The following STXBP5L variants were observed in gnomAD, a reference collection of about 807,000 sequenced individuals.
STXBP5L encodes the protein syntaxin binding protein 5L.
Under a neutral mutation model 144.5 loss-of-function variants are expected in STXBP5L, and 65 were observed. The ratio of observed to expected loss-of-function variants is 0.45; its 90% CI spans 0.37 to 0.55. The LOEUF (loss-of-function observed/expected upper bound fraction) is 0.55. Among genes scored for constraint, STXBP5L ranks in the 20% least tolerant of loss-of-function variants. STXBP5L has a pLI of 0.00. For missense variants in STXBP5L, 1,298 were observed against 1,405.5 expected, an observed-to-expected ratio of 0.92 and a Z score of 1.22; for synonymous variants, 505 against 469.6, an observed-to-expected ratio of 1.08 and a Z score of -0.97.
intron 3 of STXBP5L, among the ~76,000 whole-genome samples, chr3:121,005,251 T>G (rs1051281620): frequency 2.6e-5 from 4 of 152,086 alleles, no homozygotes; most frequent in South Asian, 2.1e-4. Context: ...TCTATTCAGA[T>G]ATTCAACTTC....
intron 9 of STXBP5L, among the ~76,000 whole-genome samples, chr3:121,202,914 T>A (rs763040676): frequency 6.6e-6 from 1 of 152,072 alleles, no homozygotes; most frequent in African/African-American, 2.4e-5. Context: ...GCATAGATAA[T>A]GTTTTTTTCA....
chr3:120,929,050 G>C (rs2107611864), intron 2 of STXBP5L, among the ~76,000 whole-genome samples: 1 of 152,242 alleles, frequency 6.6e-6, no homozygotes, highest in East Asian at 1.9e-4. Context: ...TAAGTTGTTG[G>C]CATGGGAAGC....
At chr3:121,285,526 G>A (rs1050429500) in intron 19 of STXBP5L, among the ~76,000 whole-genome samples, 5 of 151,958 alleles carry the variant, frequency 3.3e-5, no homozygotes. Flanking sequence ...CATAGGTTAG[G>A]CTCCAAACAG....
chr3:121,057,874 T>A (rs1372491358), intron 5 of STXBP5L, among the ~76,000 whole-genome samples: 1 of 152,100 alleles, frequency 6.6e-6, no homozygotes. Context: ...TCTCACTCTA[T>A]CTTCCAAATA....
intron 5 of STXBP5L, among the ~76,000 whole-genome samples, chr3:121,081,835 G>A (rs1203186371): frequency 1.3e-5 from 2 of 152,142 alleles, no homozygotes; most frequent in Admixed American, 6.5e-5. Flanking sequence ...GCAAAGAGTG[G>A]GAGCTACCTC....
chr3:121,378,962 A>T, intron 21 of STXBP5L, 76 bp downstream of exon 21: 2 of 1,423,282 alleles, frequency 1.4e-6, no homozygotes, highest in Non-Finnish European at 1.9e-6. Context: ...GAGATATGGG[A>T]TGGAGATCAC....
rs776597486 is a variant in STXBP5L at position 121,259,050 on chromosome 3, A to T, written c.1840A>T (p.Thr614Ser). 2 of 1,597,158 alleles carry T rather than the reference A, an allele frequency of 1.3e-6. No homozygotes were observed. Among genetic ancestry groups the T allele is most frequent in the South Asian group, 2.3e-5 (2 of 87,904 alleles). ...KDSIPCLNVKTRPVRMPPGYQ... is the reference protein window; with the variant it reads ...KDSIPCLNVKSRPVRMPPGYQ... ...TTGTTTTTGTTCTTAAAGTGTGAAG[A>T]CACGGCCAGTGCGAATGCCTCCAGG... The change falls in exon 18 of 27, where the codon ACA becomes TCA. Residue 614 changes from threonine to serine, a missense_variant. Coordinates refer to ENST00000471454, the MANE Select transcript of STXBP5L (RefSeq NM_001308330.2).
intron 12 of STXBP5L, among the ~76,000 whole-genome samples, chr3:121,233,893 C>T (rs2049386096): frequency 6.6e-6 from 1 of 152,060 alleles, no homozygotes; most frequent in African/African-American, 2.4e-5. Context: ...AAGGCAGCAC[C>T]TGATGTTTGG....
chr3:121,208,990 T>G (rs114719000), intron 10 of STXBP5L, among the ~76,000 whole-genome samples: 7 of 152,206 alleles, frequency 4.6e-5, no homozygotes, highest in African/African-American at 1.7e-4. Flanking sequence ...CATTGTTCGA[T>G]TCCCAATTAT....
intron 3 of STXBP5L, among the ~76,000 whole-genome samples, chr3:121,029,857 A>T (rs189599006): frequency 6.6e-6 from 1 of 152,242 alleles, no homozygotes; most frequent in Non-Finnish European, 1.5e-5. Context: ...CCCATGAAAA[A>T]GTGGGCAAAG....
chr3:121,383,899 A>C lies in STXBP5L; in HGVS notation c.2587+2367A>C, dbSNP rs565450922. ...TATGGTTGCTGCCATAGCTTATGGGAACCATTAAAGAAGGTTTGGATTTAG... is the reference window on the plus strand; with the variant it reads ...TATGGTTGCTGCCATAGCTTATGGGCACCATTAAAGAAGGTTTGGATTTAG... On this transcript the variant is annotated intron_variant, in intron 22 of 26. Transcript: ENST00000471454. 3.3e-5 allele frequency among the ~76,000 whole-genome samples: 5 copies of C among 152,258 alleles called. 1 individual carries two copies. In the South Asian group the frequency reaches 1.0e-3, roughly 32 times the overall value.
intron 19 of STXBP5L, among the ~76,000 whole-genome samples, chr3:121,298,947 A>C (rs1247756263): frequency 6.6e-6 from 1 of 152,200 alleles, no homozygotes; most frequent in Non-Finnish European, 1.5e-5. Flanking sequence ...TGTTGATTAT[A>C]TATGTAGAGT....
intron 11 of STXBP5L, among the ~76,000 whole-genome samples, chr3:121,228,637 G>A (rs1464116896): frequency 2.0e-5 from 3 of 152,168 alleles, no homozygotes; most frequent in Admixed American, 1.3e-4. Context: ...AACACTTTGG[G>A]AGGCTGAGGC....
chr3:121,210,684 G>T (rs530983994), intron 10 of STXBP5L, among the ~76,000 whole-genome samples: 199 of 152,286 alleles, frequency 1.3e-3, no homozygotes, highest in Non-Finnish European at 2.4e-3. Flanking sequence ...TTATTAAATA[G>T]GGAATCCTTT....
chr3:121,083,061 G>T (rs1334692669), intron 5 of STXBP5L, among the ~76,000 whole-genome samples: 1 of 151,902 alleles, frequency 6.6e-6, no homozygotes, highest in Non-Finnish European at 1.5e-5. Flanking sequence ...TTAGCTGGGT[G>T]TGGTGGCGTG....
chr3:121,283,334 G>C (rs1489865683), intron 19 of STXBP5L, among the ~76,000 whole-genome samples: 1 of 151,918 alleles, frequency 6.6e-6, no homozygotes, highest in African/African-American at 2.4e-5. Context: ...TCCTTAAAAT[G>C]TTCCTGGGAA....
chr3:120,973,269 G>T (rs1940494093), intron 3 of STXBP5L, among the ~76,000 whole-genome samples: 2 of 151,838 alleles, frequency 1.3e-5, no homozygotes, highest in South Asian at 4.2e-4. Context: ...GTATTTTCTT[G>T]ATTTCTATTT....
chr3:121,263,752 A>G (rs1214128488), intron 18 of STXBP5L, among the ~76,000 whole-genome samples: 1 of 152,164 alleles, frequency 6.6e-6, no homozygotes, highest in African/African-American at 2.4e-5. Flanking sequence ...GCGTGAAGAA[A>G]GGATTAGAGC....
At chr3:120,995,396 C>T (rs1041822668) in intron 3 of STXBP5L, among the ~76,000 whole-genome samples, 2 of 152,162 alleles carry the variant, frequency 1.3e-5, no homozygotes, top group Non-Finnish European at 2.9e-5. Context: ...GATCCTTCTG[C>T]CTTGGCCTCC....
Sources: allele counts gnomAD v4.1 joint callset (sites outside exome capture counted in the v4.1 genomes callset), GRCh38; gene constraint gnomAD v4.1.1; transcripts MANE v1.5; gene names NCBI Gene and HGNC (gene_info 2026-07-23, HGNC 2026-07-21).